The following MTUS1 variants were observed in gnomAD, a reference collection of about 807,000 sequenced individuals.
MTUS1 encodes microtubule associated scaffold protein 1.
MTUS1 carries 109 observed loss-of-function variants against 120.8 expected under a neutral mutation model. The observed-to-expected ratio is 0.90, with a 90% CI of 0.77 to 1.06. The LOEUF (loss-of-function observed/expected upper bound fraction) is 1.06, where lower values mean the gene tolerates loss of function less well. MTUS1 is among the 50% of genes least tolerant of loss of function. The pLI is 0.00. For missense variants in MTUS1, 2,210 were observed against 1,486.3 expected, an observed-to-expected ratio of 1.49 and a Z score of -8.01; for synonymous variants, 737 against 550.5, an observed-to-expected ratio of 1.34 and a Z score of -4.74.
At chr8:17,757,824 G>A (rs1292762073) in intron 1 of MTUS1, among the ~76,000 whole-genome samples, 1 of 152,150 alleles carries the variant, frequency 6.6e-6, no homozygotes, top group Non-Finnish European at 1.5e-5. Flanking sequence ...ACCACGCCCG[G>A]CCACTTTTGG....
At chr8:17,733,245 G>A (rs535283205) in intron 3 of MTUS1, among the ~76,000 whole-genome samples, 1 of 152,056 alleles carries the variant, frequency 6.6e-6, no homozygotes, top group South Asian at 2.1e-4. Flanking sequence ...CAGCTACTCG[G>A]TAGGCTGAGG....
intron 8 of MTUS1, among the ~76,000 whole-genome samples, chr8:17,661,842 C>G (rs899223125): frequency 1.3e-5 from 2 of 152,202 alleles, no homozygotes; most frequent in Non-Finnish European, 2.9e-5. Flanking sequence ...GACCTTTGCT[C>G]TGTTTACTGG....
At chr8:17,653,655 T>A (rs1807550565) in intron 10 of MTUS1, 157 bp from the exon 11 acceptor site, 1 of 592,902 alleles carries the variant, frequency 1.7e-6, no homozygotes, top group Non-Finnish European at 2.9e-6. Context: ...CCATCTGTTC[T>A]CAAAATGGCC....
At position 17,754,235 on chromosome 8, in the gene MTUS1, C is replaced by T; in HGVS notation, c.1573G>A (p.Ala525Thr). Reference sequence around the variant, plus strand: ...CTGGGCGTGACCTTTGATAAAGCAGCATCTTTGGGCTGCAACACTGCTCTA... The same window carrying T: ...CTGGGCGTGACCTTTGATAAAGCAGTATCTTTGGGCTGCAACACTGCTCTA... ...MSRAVLQPKD[A>T]ALSKVTPRPQ... The change falls in exon 2 of 15, where the codon GCT (alanine) becomes ACT (threonine). Residue 525 changes from alanine (A) to threonine (T), a missense_variant. Physicochemically the swap from Ala to Thr is moderately conservative, Grantham distance 58 (BLOSUM62 0). Transcript: ENST00000693296. 6.2e-7 allele frequency: 1 copy of T among 1,614,056 alleles called. No individual in the cohort carries two copies. Among genetic ancestry groups the T allele is most frequent in the Non-Finnish European group, 8.5e-7 (1 of 1,180,038 alleles).
chr8:17,644,119 T>C lies in MTUS1; in HGVS notation c.*1807A>G, dbSNP rs1805360468. On this transcript the variant is annotated 3_prime_UTR_variant, in exon 15 of 15. Coordinates refer to ENST00000693296, the MANE Select transcript of MTUS1 (RefSeq NM_001363059.2). Reference sequence around the variant, plus strand: ...AGGGGATGAATGGCAAACCCAACTTTGGCTAATGTCATTGAGAACAACTTG... The same window carrying C: ...AGGGGATGAATGGCAAACCCAACTTCGGCTAATGTCATTGAGAACAACTTG... 6.6e-6 allele frequency: 1 copy of C among 152,232 alleles called. No homozygotes were observed. Among genetic ancestry groups the C allele is most frequent in the Non-Finnish European group, 1.5e-5 (1 of 68,054 alleles). 9.4% of individuals were successfully genotyped at this position (152,232 alleles called of 1,614,324 possible). A position where few individuals can be genotyped will look rare whatever the true frequency, so the allele number is the denominator to read the frequency against.
chr8:17,778,383 G>C (rs1208737919), intron 1 of MTUS1, among the ~76,000 whole-genome samples: 2 of 152,208 alleles, frequency 1.3e-5, no homozygotes, highest in Admixed American at 6.5e-5. Context: ...GGGGCACAAG[G>C]AAACTTTGAA....
At chr8:17,654,441 C>G in intron 10 of MTUS1, 120 bp downstream of exon 10, 2 of 707,622 alleles carry the variant, frequency 2.8e-6, no homozygotes, top group South Asian at 3.6e-5. Context: ...CAAGAACACC[C>G]CAGCCTGAAG....
intron 1 of MTUS1, among the ~76,000 whole-genome samples, chr8:17,775,650 A>G (rs539995875): frequency 6.6e-6 from 1 of 152,374 alleles, no homozygotes; most frequent in African/African-American, 2.4e-5. Flanking sequence ...ATCATAGAAG[A>G]GTAAAATTAT....
chr8:17,771,589 C>A (rs2050027328), intron 1 of MTUS1, among the ~76,000 whole-genome samples: 3 of 152,190 alleles, frequency 2.0e-5, no homozygotes, highest in Admixed American at 2.0e-4. Flanking sequence ...AAATAAATGT[C>A]TTTCAAATTC....
chr8:17,724,264 G>C (rs6992789), intron 3 of MTUS1: 32,034 of 277,508 alleles, frequency 0.12, 2,910 homozygotes, highest in Non-Finnish European at 0.16. Flanking sequence ...AAATAAATAA[G>C]AACCAAGTCC....
Position 17,715,972 on chromosome 8 carries a change from T to C in MTUS1, c.2450-71A>G. Reference sequence around the variant, plus strand: ...GTTTCGACCTTCCACATTTATTCCTTTGTCCTTGAACCAACAAATGCTCAA... The same window carrying C: ...GTTTCGACCTTCCACATTTATTCCTCTGTCCTTGAACCAACAAATGCTCAA... On this transcript the variant is annotated intron_variant, in intron 4 of 14. Transcript: ENST00000693296. 3.4e-6 allele frequency: 5 copies of C among 1,463,916 alleles called. No individual in the cohort carries two copies. In the South Asian group the frequency reaches 6.5e-5, roughly 19 times the overall value. 90.7% of individuals were successfully genotyped at this position (1,463,916 alleles called of 1,614,324 possible).
rs528398323 is a variant in MTUS1 at position 17,676,071 on chromosome 8, A to T, written c.2839-819T>A. 5.2e-6 allele frequency: 3 copies of T among 572,388 alleles called. No individual in the cohort carries two copies. In the Admixed American group the frequency reaches 9.4e-5, roughly 18 times the overall value. The allele number at this position is 572,388 out of a possible 1,614,324, so 35.5% of individuals were successfully genotyped here. A position where few individuals can be genotyped will look rare whatever the true frequency, so the allele number is the denominator to read the frequency against. On this transcript the variant is annotated intron_variant, in intron 7 of 14. Coordinates refer to ENST00000693296, the MANE Select transcript of MTUS1 (RefSeq NM_001363059.2). ...AACTAAAAAAAAAATGAAGAATTTC[A>T]AAGCTCGCTGAAAAATGCCCTCACG...
intron 6 of MTUS1, among the ~76,000 whole-genome samples, chr8:17,689,388 A>G (rs1816503943): frequency 1.3e-5 from 2 of 152,226 alleles, no homozygotes; most frequent in Admixed American, 1.3e-4. Flanking sequence ...TCACATTAAA[A>G]GCAGATTAGA....
At chr8:17,675,380 C>G (rs78107544) in intron 7 of MTUS1, 128 bp from the exon 8 acceptor site, 17,412 of 680,840 alleles carry the variant, frequency 0.026, 818 homozygotes, top group South Asian at 0.14. Context: ...TTTAGGCTAA[C>G]AATTTGTGTT....
chr8:17,674,405 C>G (rs984698157), intron 8 of MTUS1: 2 of 932,390 alleles, frequency 2.1e-6, no homozygotes, highest in African/African-American at 3.6e-5. Flanking sequence ...GGTGACAGAG[C>G]AAGATTCCGT....
intron 7 of MTUS1, 41 bp from the exon 8 acceptor site, chr8:17,675,293 G>A (rs1406440298): frequency 1.3e-6 from 2 of 1,590,734 alleles, no homozygotes; most frequent in Non-Finnish European, 1.7e-6. Context: ...CTTTCAAGAG[G>A]GTCCCTTTCA....
At chr8:17,798,700 A>C (rs561055008) in intron 1 of MTUS1, among the ~76,000 whole-genome samples, 1 of 152,356 alleles carries the variant, frequency 6.6e-6, no homozygotes, top group South Asian at 2.1e-4. Flanking sequence ...GAAGTGTTAA[A>C]AATTCTGTTT....
chr8:17,709,352 G>C (rs940835121), intron 6 of MTUS1, among the ~76,000 whole-genome samples: 1 of 151,984 alleles, frequency 6.6e-6, no homozygotes, highest in African/African-American at 2.4e-5. Context: ...CTTCAATCCG[G>C]ACCTCTCTTC....
At chr8:17,699,137 G>A (rs887061319) in intron 6 of MTUS1, among the ~76,000 whole-genome samples, 1 of 152,150 alleles carries the variant, frequency 6.6e-6, no homozygotes, top group Non-Finnish European at 1.5e-5. Context: ...ACTCCATATA[G>A]TAGGAGGTGG....
Sources: allele counts gnomAD v4.1 joint callset (sites outside exome capture counted in the v4.1 genomes callset), GRCh38; gene constraint gnomAD v4.1.1; transcripts MANE v1.5; gene names NCBI Gene and HGNC (gene_info 2026-07-23, HGNC 2026-07-21).